RAB3IP: variants seen among roughly 807,000 people sequenced by gnomAD.
RAB3IP encodes RAB3A interacting protein.
RAB3IP carries 36 observed loss-of-function variants against 59.1 expected under a neutral mutation model. That is an observed-to-expected ratio of 0.61 (90% CI 0.47 to 0.80). The LOEUF (loss-of-function observed/expected upper bound fraction) is 0.80, where lower values mean the gene tolerates loss of function less well. Among genes scored for constraint, RAB3IP ranks in the 30% least tolerant of loss-of-function variants. The pLI, the probability that RAB3IP is intolerant of heterozygous loss-of-function variation, is 0.00. For missense variants in RAB3IP, 511 were observed against 536.0 expected (o/e 0.95, Z 0.46); for synonymous variants, 207 against 191.2 (o/e 1.08, Z -0.68).
intron 6 of RAB3IP, among the ~76,000 whole-genome samples, chr12:69,799,941 T>A (rs2136243643): frequency 6.6e-6 from 1 of 152,236 alleles, no homozygotes; most frequent in Middle Eastern, 3.4e-3. Context: ...TAGTGAATGA[T>A]GCTTGGAAAA....
intron 8 of RAB3IP, among the ~76,000 whole-genome samples, chr12:69,803,923 A>C (rs1034205935): frequency 2.0e-5 from 3 of 152,116 alleles, no homozygotes; most frequent in African/African-American, 7.2e-5. Context: ...GTTGGTTCCA[A>C]GTCTTTGCTA....
At chr12:69,750,837 T>C (rs1869164848) in intron 1 of RAB3IP, among the ~76,000 whole-genome samples, 1 of 152,096 alleles carries the variant, frequency 6.6e-6, no homozygotes, top group Non-Finnish European at 1.5e-5. Context: ...TGTGACAAGA[T>C]GTGATCAGTG....
At chr12:69,748,086 T>C (rs1341161119) in intron 1 of RAB3IP, among the ~76,000 whole-genome samples, 14 of 144,282 alleles carry the variant, frequency 9.7e-5, no homozygotes, top group East Asian at 2.0e-4. Context: ...TTTTTTTTTT[T>C]CTAAAATTAA....
intron 1 of RAB3IP, among the ~76,000 whole-genome samples, chr12:69,744,265 C>CA (rs1887628172): frequency 6.6e-6 from 1 of 151,874 alleles, no homozygotes; most frequent in African/African-American, 2.4e-5. Flanking sequence ...TATTTAATTA[C>CA]AAATAAATAT....
At chr12:69,794,667 A>G (rs1307424896) in intron 5 of RAB3IP, among the ~76,000 whole-genome samples, 153 bp downstream of exon 5, 1 of 152,234 alleles carries the variant, frequency 6.6e-6, no homozygotes, top group Non-Finnish European at 1.5e-5. Context: ...GCTACTATGT[A>G]GGTATAATTA....
chr12:69,754,009 C>G (rs1014755572), intron 1 of RAB3IP, among the ~76,000 whole-genome samples: 5 of 152,106 alleles, frequency 3.3e-5, no homozygotes, highest in African/African-American at 9.7e-5. Flanking sequence ...TGAGGCCATA[C>G]TCTATGTCAG....
intron 3 of RAB3IP, among the ~76,000 whole-genome samples, chr12:69,763,894 T>A (rs1445135003): frequency 6.6e-6 from 1 of 152,258 alleles, no homozygotes; most frequent in Non-Finnish European, 1.5e-5. Context: ...TTGCTTAGGA[T>A]AATAGCCTCC....
At chr12:69,781,993 A>G (rs1592542055) in intron 3 of RAB3IP, among the ~76,000 whole-genome samples, 1 of 152,340 alleles carries the variant, frequency 6.6e-6, no homozygotes, top group South Asian at 2.1e-4. Flanking sequence ...GTCACTAGCA[A>G]TAAATTAGAG....
rs1347548216 is a variant in RAB3IP at position 69,817,171 on chromosome 12, G to C, written c.*1725G>C. On this transcript the variant is annotated 3_prime_UTR_variant, in exon 11 of 11. Transcript: ENST00000247833. ...GTAATCAAATACTCAGAAAAAGTTT[G>C]TTGATGACTTAAAAAGGATAAATAA... 6.6e-6 allele frequency: 1 copy of C among 152,144 alleles called. No individual in the cohort carries two copies. Among genetic ancestry groups the C allele is most frequent in the Non-Finnish European group, 1.5e-5 (1 of 68,040 alleles). 9.4% of individuals were successfully genotyped at this position (152,144 alleles called of 1,614,324 possible).
At chr12:69,794,836 G>GT (rs1877189107) in intron 5 of RAB3IP, among the ~76,000 whole-genome samples, 1 of 152,208 alleles carries the variant, frequency 6.6e-6, no homozygotes, top group East Asian at 1.9e-4. Flanking sequence ...AGATTTTACT[G>GT]TTTTAGGAGT....
rs1197147959 is a variant in RAB3IP at position 69,820,872 on chromosome 12, A to AAAC, written c.*5428_*5429insCAA. ...AAACTCCGTCTGAAAAAAAAAAAAA[A>AAAC]AAACCCAAACTCAATAGAAAATCAA... On this transcript the variant is annotated 3_prime_UTR_variant, in exon 11 of 11. Coordinates refer to ENST00000247833, the MANE Select transcript of RAB3IP (RefSeq NM_022456.5). 6.6e-6 allele frequency: 1 copy of AAAC among 151,764 alleles called. No individual in the cohort carries two copies. Among genetic ancestry groups the AAAC allele is most frequent in the East Asian group, 1.9e-4 (1 of 5,166 alleles). The allele number at this position is 151,764 out of a possible 1,614,324, so 9.4% of individuals were successfully genotyped here. A position where few individuals can be genotyped will look rare whatever the true frequency, so the allele number is the denominator to read the frequency against.
At chr12:69,767,157 T>G (rs955372815) in intron 3 of RAB3IP, among the ~76,000 whole-genome samples, 2 of 152,212 alleles carry the variant, frequency 1.3e-5, no homozygotes, top group African/African-American at 2.4e-5. Flanking sequence ...TTCTTCCCTA[T>G]AATTGTTTTT....
intron 8 of RAB3IP, among the ~76,000 whole-genome samples, chr12:69,804,935 C>T (rs1040478486): frequency 6.6e-6 from 1 of 152,192 alleles, no homozygotes; most frequent in Non-Finnish European, 1.5e-5. Flanking sequence ...AGCGTGATGC[C>T]TCCAGCTTTG....
At chr12:69,807,666 C>T (rs1293940173) in intron 8 of RAB3IP, among the ~76,000 whole-genome samples, 1 of 143,660 alleles carries the variant, frequency 7.0e-6, no homozygotes, top group African/African-American at 2.6e-5. Flanking sequence ...CAGAGGTGCT[C>T]CTCACATCCC....
At chr12:69,739,814 G>C (rs1476267833) in intron 1 of RAB3IP, 1 of 1,613,908 alleles carries the variant, frequency 6.2e-7, no homozygotes, top group Non-Finnish European at 8.5e-7. Flanking sequence ...ATGCTGGGTG[G>C]AAGTCGCAGC....
At chr12:69,808,383 G>A (rs1417052379) in intron 8 of RAB3IP, among the ~76,000 whole-genome samples, 1 of 152,234 alleles carries the variant, frequency 6.6e-6, no homozygotes, top group East Asian at 1.9e-4. Context: ...TTGGGGTGGA[G>A]AGTTCTGTAG....
At chr12:69,785,808 T>C (rs1422016906) in intron 4 of RAB3IP, among the ~76,000 whole-genome samples, 1 of 152,198 alleles carries the variant, frequency 6.6e-6, no homozygotes, top group African/African-American at 2.4e-5. Context: ...ACCATTATAA[T>C]AGGCTTTGCT....
chr12:69,778,428 C>A (rs961700587), intron 3 of RAB3IP, among the ~76,000 whole-genome samples: 1 of 137,924 alleles, frequency 7.3e-6, no homozygotes, highest in Non-Finnish European at 1.6e-5. Context: ...CAAAATCATT[C>A]TCCATCCAGC....
chr12:69,739,788 G>A (rs1887103890), intron 1 of RAB3IP: 10 of 1,608,214 alleles, frequency 6.2e-6, no homozygotes, highest in Non-Finnish European at 7.7e-6. Context: ...CGAGCTTACT[G>A]GCTCCAGAAG....
Sources: gnomAD v4.1 joint callset for allele counts (sites outside exome capture counted in the v4.1 genomes callset) on GRCh38, gnomAD v4.1.1 for gene constraint, MANE v1.5 for transcripts, NCBI Gene and HGNC (gene_info 2026-07-23, HGNC 2026-07-21) for gene names.